KANK1: variants seen among roughly 807,000 people sequenced by gnomAD.
KANK1 encodes KN motif and ankyrin repeat domain-containing protein 1.
Under a neutral mutation model 106.2 loss-of-function variants are expected in KANK1, and 109 were observed. The observed-to-expected ratio is 1.03, with a 90% CI of 0.88 to 1.20. KANK1 has a LOEUF of 1.20. Ranked by LOEUF, KANK1 falls within the 50% of genes most tolerant of loss-of-function variation. KANK1 has a pLI of 0.00. For synonymous variants in KANK1, 873 were observed against 652.2 expected (o/e 1.34, Z -5.16); for missense variants, 2,399 against 1,710.7 (o/e 1.40, Z -7.10).
chr9:530,609 A>G (rs978356310), intron 1 of KANK1, among the ~76,000 whole-genome samples: 3 of 152,192 alleles, frequency 2.0e-5, no homozygotes, highest in Non-Finnish European at 4.4e-5. Flanking sequence ...CTAATTGTTA[A>G]GAATATGTTT....
Position 525,350 on chromosome 9 carries a change from C to CGTGTGTGTGTGTGTGTGT in KANK1, c.-84+20613_-84+20630dup, listed in dbSNP as rs35296364. Reference sequence around the variant, plus strand: ...ATTTCTGACAGAATATGTATACATACGTGTGTGTGTGTGTGTGTGTGTGTG... The same window carrying CGTGTGTGTGTGTGTGTGT: ...ATTTCTGACAGAATATGTATACATACGTGTGTGTGTGTGTGTGTGTGTGTGTGTGTGTGTGTGTGTGTG... On this transcript the variant is annotated intron_variant, in intron 1 of 11. Coordinates refer to ENST00000382297, the MANE Select transcript of KANK1 (RefSeq NM_015158.5). Among the ~76,000 whole-genome samples, 87 of 140,558 alleles carry CGTGTGTGTGTGTGTGTGT rather than the reference C, an allele frequency of 6.2e-4. 2 individuals are homozygous for CGTGTGTGTGTGTGTGTGT. The highest frequency in any genetic ancestry group is 2.4e-3 in the African/African-American group (86 of 36,296). 92.2% of individuals were successfully genotyped at this position (140,558 alleles called of 152,430 possible).
chr9:717,667 A>G (rs922246419), intron 3 of KANK1, among the ~76,000 whole-genome samples: 4 of 152,214 alleles, frequency 2.6e-5, no homozygotes, highest in African/African-American at 9.6e-5. Context: ...TTTCTGTTAT[A>G]ACAAAAATGT....
chr9:512,421 CT>C (rs1358703690), intron 1 of KANK1, among the ~76,000 whole-genome samples: 1 of 151,990 alleles, frequency 6.6e-6, no homozygotes, highest in Non-Finnish European at 1.5e-5. Context: ...GGAGGCCGGT[CT>C]TTTTGTTTAG....
chr9:651,273 C>T (rs1156552283), intron 1 of KANK1, among the ~76,000 whole-genome samples: 1 of 152,110 alleles, frequency 6.6e-6, no homozygotes, highest in Non-Finnish European at 1.5e-5. Flanking sequence ...TTATATTTTT[C>T]TTTATATTCT....
intron 9 of KANK1, among the ~76,000 whole-genome samples, chr9:741,448 G>A (rs554956463): frequency 8.8e-5 from 13 of 147,504 alleles, no homozygotes; most frequent in East Asian, 4.0e-4. Flanking sequence ...TTAGCCTCCC[G>A]AGTAGCAGGG....
intron 1 of KANK1, among the ~76,000 whole-genome samples, chr9:610,882 C>T (rs1830397756): frequency 6.6e-6 from 1 of 151,980 alleles, no homozygotes; most frequent in African/African-American, 2.4e-5. Context: ...GGAAAGAGGC[C>T]AGTACGCAAG....
At chr9:574,201 T>C (rs893858626) in intron 1 of KANK1, among the ~76,000 whole-genome samples, 13 of 152,256 alleles carry the variant, frequency 8.5e-5, no homozygotes, top group African/African-American at 2.9e-4. Context: ...GCCGAAGCTC[T>C]GTACCTGTAA....
At chr9:594,812 A>G (rs1825820576) in intron 1 of KANK1, among the ~76,000 whole-genome samples, 1 of 151,864 alleles carries the variant, frequency 6.6e-6, no homozygotes, top group Admixed American at 6.6e-5. Context: ...ACCAAATATA[A>G]AAATCTGGAG....
chr9:623,435 C>G (rs1211622035), intron 1 of KANK1, among the ~76,000 whole-genome samples: 3 of 151,508 alleles, frequency 2.0e-5, no homozygotes, highest in Non-Finnish European at 4.4e-5. Flanking sequence ...ACAAGAAATA[C>G]AAAAATTAGC....
rs537834366 is a variant in KANK1, at chr9:506,228, G to C, written c.-84+1474G>C. Among the ~76,000 whole-genome samples, 593 of 152,286 alleles carry C rather than the reference G, an allele frequency of 3.9e-3. 3 individuals carry two copies. Among genetic ancestry groups the C allele is most frequent in the Middle Eastern group, 6.8e-3 (2 of 294 alleles). The stretch of plus-strand genomic sequence containing the variant: ...ACTTAGGAAGTTTTTCTAAGATAGA[G>C]ACTGAGTGAGAAAACTGAGAGGTGA... On this transcript the variant is annotated intron_variant, in intron 1 of 11. Coordinates refer to ENST00000382297, the MANE Select transcript of KANK1 (RefSeq NM_015158.5).
At chr9:744,984 A>C (rs1286929961) in intron 11 of KANK1, 189 bp from the exon 12 acceptor site, 2 of 1,491,598 alleles carry the variant, frequency 1.3e-6, no homozygotes, top group Admixed American at 2.4e-5. Flanking sequence ...GGACAGCCGG[A>C]CATAGCACTG....
At chr9:744,335 C>A (rs1836605862) in intron 10 of KANK1, among the ~76,000 whole-genome samples, 156 bp from the exon 11 acceptor site, 1 of 152,160 alleles carries the variant, frequency 6.6e-6, no homozygotes, top group Admixed American at 6.5e-5. Context: ...AGGCCTTCAC[C>A]CTTAGAGGTC....
rs867908094 is a variant in KANK1 at position 507,620 on chromosome 9, G to A, written c.-84+2866G>A. On this transcript the variant is annotated intron_variant, in intron 1 of 11. Transcript: ENST00000382297. ...TTGCCAGGCTGGAGTGCAGTGGCGC[G>A]ATCTCAGCTCACTGCAACCTCCGCC... is the stretch of plus-strand genomic sequence containing the variant. 1.5e-4 allele frequency among the ~76,000 whole-genome samples: 21 copies of A among 143,472 alleles called. No homozygotes were observed. The Middle Eastern group carries it at 0.015, about 103-fold the overall frequency. The allele number at this position is 143,472 out of a possible 152,430, so 94.1% of individuals were successfully genotyped here.
At chr9:659,512 A>G (rs1486789863) in intron 1 of KANK1, among the ~76,000 whole-genome samples, 1 of 152,146 alleles carries the variant, frequency 6.6e-6, no homozygotes. Flanking sequence ...TGAGAACTGT[A>G]TTAGTCTGTT....
chr9:671,230 T>G (rs1429562702), intron 1 of KANK1, among the ~76,000 whole-genome samples: 1 of 152,040 alleles, frequency 6.6e-6, no homozygotes, highest in Non-Finnish European at 1.5e-5. Context: ...GTGGAGTTTT[T>G]TTTTTGTTTG....
At chr9:723,493 C>A (rs1239715834) in intron 3 of KANK1, among the ~76,000 whole-genome samples, 1 of 145,326 alleles carries the variant, frequency 6.9e-6, no homozygotes, top group East Asian at 2.0e-4. Flanking sequence ...ATCACAAGCA[C>A]CTGGGTCCTG....
At chr9:534,615 C>G (rs979766154) in intron 1 of KANK1, among the ~76,000 whole-genome samples, 1 of 152,186 alleles carries the variant, frequency 6.6e-6, no homozygotes, top group Admixed American at 6.5e-5. Context: ...CTTAGTTATG[C>G]AGCAGCCTAC....
intron 1 of KANK1, among the ~76,000 whole-genome samples, chr9:612,869 C>T (rs934934871): frequency 2.6e-5 from 4 of 152,164 alleles, no homozygotes; most frequent in Non-Finnish European, 5.9e-5. Context: ...CCCTAAGAGT[C>T]ATATAAGACA....
chr9:662,760 G>C (rs9777147), intron 1 of KANK1, among the ~76,000 whole-genome samples: 135,154 of 151,340 alleles, frequency 0.89, 60,482 homozygotes, highest in East Asian at 0.97. Flanking sequence ...CTCCTGGGTT[G>C]AAGTGATTCT....
Sources: allele counts gnomAD v4.1 joint callset (sites outside exome capture counted in the v4.1 genomes callset), GRCh38; gene constraint gnomAD v4.1.1; transcripts MANE v1.5; gene names NCBI Gene and HGNC (gene_info 2026-07-23, HGNC 2026-07-21).